HSD17B2: variants seen among roughly 807,000 people sequenced by gnomAD.
The protein encoded by HSD17B2 is 17-beta-hydroxysteroid dehydrogenase type 2.
In HSD17B2, 32 loss-of-function variants were observed where a neutral mutation model predicts 26.9. That is an observed-to-expected ratio of 1.19 (90% confidence interval 0.90 to 1.60). The LOEUF (loss-of-function observed/expected upper bound fraction) is 1.60, where lower values mean the gene tolerates loss of function less well. HSD17B2 is among the 40% of genes most tolerant of loss of function. The pLI is 0.00. For missense variants in HSD17B2, 613 were observed against 468.6 expected (o/e 1.31, Z -2.85); for synonymous variants, 246 against 186.7 (o/e 1.32, Z -2.59).
At chr16:82,085,345 TC>T (rs1904496108) in intron 3 of HSD17B2, among the ~76,000 whole-genome samples, 1 of 152,188 alleles carries the variant, frequency 6.6e-6, no homozygotes, top group African/African-American at 2.4e-5. Context: ...TGAGTGAACC[TC>T]CTCATGCTGG....
chr16:82,055,020 C>T (rs1914223581), intron 1 of HSD17B2, among the ~76,000 whole-genome samples: 2 of 152,204 alleles, frequency 1.3e-5, no homozygotes, highest in Admixed American at 1.3e-4. Flanking sequence ...GGATGTTTAG[C>T]AGCTCTCTGG....
At position 82,071,228 on chromosome 16, in the gene HSD17B2, G is replaced by C. The variant is rs1489549003; in HGVS notation, c.664+101G>C. 5 of 1,161,464 alleles carry C rather than the reference G, an allele frequency of 4.3e-6. No homozygotes were observed. In the African/African-American group the frequency reaches 7.5e-5, roughly 17 times the overall value. 71.9% of individuals were successfully genotyped at this position (1,161,464 alleles called of 1,614,324 possible). ...CAAAAATGCAGGGCATGCAAAGGCAGGGTTGGGTCAGGATTAGTCAAATTG... is the reference window on the plus strand; with the variant it reads ...CAAAAATGCAGGGCATGCAAAGGCACGGTTGGGTCAGGATTAGTCAAATTG... On this transcript the variant is annotated intron_variant, in intron 3 of 4. Transcript: ENST00000199936.
intron 1 of HSD17B2, among the ~76,000 whole-genome samples, chr16:82,058,308 C>A (rs578143410): frequency 1.3e-5 from 2 of 151,978 alleles, no homozygotes; most frequent in South Asian, 4.2e-4. Context: ...TGGGCTCAAG[C>A]GATTCTCCTG....
chr16:82,096,399 T>G (rs899055502), intron 4 of HSD17B2: 1 of 151,780 alleles, frequency 6.6e-6, no homozygotes, highest in Non-Finnish European at 1.5e-5. Context: ...ATTTTTGTAT[T>G]TTTTAGTAGA....
chr16:82,040,076 G>A (rs886202998), intron 1 of HSD17B2, among the ~76,000 whole-genome samples: 2 of 152,238 alleles, frequency 1.3e-5, no homozygotes, highest in Non-Finnish European at 2.9e-5. Context: ...AAGGCTTGCT[G>A]CATTAGATAA....
At chr16:82,049,810 G>C (rs1012576719) in intron 1 of HSD17B2, among the ~76,000 whole-genome samples, 4 of 152,246 alleles carry the variant, frequency 2.6e-5, no homozygotes, top group African/African-American at 9.6e-5. Context: ...ACACAAACTA[G>C]AGACAGTTCC....
chr16:82,035,683 G>C lies in HSD17B2; in HGVS notation c.259G>C (p.Val87Leu). 1 of 1,613,584 alleles carries C rather than the reference G, an allele frequency of 6.2e-7. No individual in the cohort carries two copies. The highest frequency in any genetic ancestry group is 8.5e-7 in the Non-Finnish European group (1 of 1,179,778). The change falls in exon 1 of 5, where the codon GTG becomes CTG. Residue 87 changes from valine to leucine, a missense_variant. By Grantham distance (32) the Val-to-Leu change is conservative. Transcript: ENST00000199936. ...LLPVDQKAVL[V>L]TGGDCGLGHA... Reference sequence around the variant, plus strand: ...ACCTGTGGATCAGAAGGCAGTCCTGGTGACAGGTAAGCAGACGGTGCTACA... The same window carrying C: ...ACCTGTGGATCAGAAGGCAGTCCTGCTGACAGGTAAGCAGACGGTGCTACA...
chr16:82,076,266 C>T (rs1366533998), intron 3 of HSD17B2, among the ~76,000 whole-genome samples: 1 of 152,114 alleles, frequency 6.6e-6, no homozygotes, highest in Non-Finnish European at 1.5e-5. Context: ...ATACAATAGA[C>T]CTATAGCTAC....
intron 2 of HSD17B2, among the ~76,000 whole-genome samples, chr16:82,070,516 C>T (rs780129743): frequency 2.7e-4 from 41 of 152,354 alleles, no homozygotes; most frequent in Non-Finnish European, 5.6e-4. Flanking sequence ...CATACAGAGC[C>T]TCCACGTGTT....
intron 1 of HSD17B2, among the ~76,000 whole-genome samples, chr16:82,066,811 G>A (rs1914583583): frequency 6.6e-6 from 1 of 152,110 alleles, no homozygotes; most frequent in Non-Finnish European, 1.5e-5. Flanking sequence ...ATTGTCAATA[G>A]TTCTATTCCA....
At chr16:82,074,805 TC>T (rs1362679361) in intron 3 of HSD17B2, among the ~76,000 whole-genome samples, 1 of 152,100 alleles carries the variant, frequency 6.6e-6, no homozygotes, top group Non-Finnish European at 1.5e-5. Context: ...AGGCAGAAAA[TC>T]AATAAAGAAA....
intron 1 of HSD17B2, among the ~76,000 whole-genome samples, chr16:82,052,762 G>C (rs1464615971): frequency 6.6e-6 from 1 of 152,178 alleles, no homozygotes. Context: ...CATGTAGTAG[G>C]AGACAGGTAG....
rs748531671 is a variant in HSD17B2 at position 82,098,401 on chromosome 16, C to T, written c.1129C>T (p.Leu377=). The T allele has an allele frequency of 6.2e-7, 1 of 1,610,534 alleles. No homozygotes were observed. The highest frequency in any genetic ancestry group is 1.7e-5 in the Admixed American group (1 of 59,622). The change falls in exon 5 of 5, where the codon CTA becomes TTA. Residue 377 remains leucine, a synonymous_variant. Transcript: ENST00000199936. ...CCAAGACAAGCCCATGCCCAGAGCTCTAAGAATGCCTAACTACAAGAAAAA... is the reference window on the plus strand; with the variant it reads ...CCAAGACAAGCCCATGCCCAGAGCTTTAAGAATGCCTAACTACAAGAAAAA... ...FGQDKPMPRA[L]RMPNYKKKAT is the part of the protein sequence containing the mutation.
In HSD17B2 at chr16:82,090,911, C is replaced by T. The variant is rs1904673391; in HGVS notation, c.674C>T (p.Pro225Leu). 6.2e-7 allele frequency: 1 copy of T among 1,611,342 alleles called. No individual in the cohort carries two copies. The highest frequency in any genetic ancestry group is 8.5e-7 in the Non-Finnish European group (1 of 1,178,918). ...VNVSSMGGGA[P>L]MERLASYGSS... Reference sequence around the variant, plus strand: ...CCCATTATTCCCATAGGAGGGGCCCCAATGGAAAGGCTGGCATCTTATGGC... The same window carrying T: ...CCCATTATTCCCATAGGAGGGGCCCTAATGGAAAGGCTGGCATCTTATGGC... The change falls in exon 4 of 5, where the codon CCA becomes CTA. Residue 225 changes from proline to leucine, a missense_variant. Pro to Leu is a moderately conservative substitution (Grantham distance 98). Transcript: ENST00000199936.
At chr16:82,054,208 G>GAAAAAAAA (rs74264895) in intron 1 of HSD17B2, among the ~76,000 whole-genome samples, 2 of 85,706 alleles carry the variant, frequency 2.3e-5, no homozygotes, top group African/African-American at 3.8e-5. Context: ...CCCACATATC[G>GAAAAAAAA]AAAAAAAAAA....
In HSD17B2 at chr16:82,048,446, G is replaced by A. The variant is rs8191082; in HGVS notation, c.265+12757G>A. On this transcript the variant is annotated intron_variant, in intron 1 of 4. Transcript: ENST00000199936. ...AGTGCAAAGGCAGCAAGGAGATGAT[G>A]TTAGTGAGCAACTCTGAAAATTTGA... Among the ~76,000 whole-genome samples the A allele has an allele frequency of 6.5e-3, 990 of 152,300 alleles. 6 individuals are homozygous for A. Among genetic ancestry groups the A allele is most frequent in the Non-Finnish European group, 9.6e-3 (656 of 68,030 alleles).
chr16:82,056,175 A>G (rs776980659), intron 1 of HSD17B2, among the ~76,000 whole-genome samples: 2 of 152,178 alleles, frequency 1.3e-5, no homozygotes, highest in African/African-American at 4.8e-5. Flanking sequence ...CATCTTTCCC[A>G]TGAAAAAAAG....
At chr16:82,090,124 C>A in intron 3 of HSD17B2, 1 of 541,184 alleles carries the variant, frequency 1.8e-6, no homozygotes, top group Non-Finnish European at 2.4e-6. Flanking sequence ...TATGTTATTC[C>A]TCGTTGCAAC....
chr16:82,053,419 TTTAA>T (rs1316777655), intron 1 of HSD17B2, among the ~76,000 whole-genome samples: 1 of 152,036 alleles, frequency 6.6e-6, no homozygotes, highest in Non-Finnish European at 1.5e-5. Context: ...TCTCCCGAGT[TTTAA>T]TTTTTATTTA....
Sources: allele counts gnomAD v4.1 joint callset (sites outside exome capture counted in the v4.1 genomes callset), GRCh38; gene constraint gnomAD v4.1.1; transcripts MANE v1.5; gene names NCBI Gene and HGNC (gene_info 2026-07-23, HGNC 2026-07-21).